Variants in CYP7B1 observed in about 807,000 individuals in gnomAD.
CYP7B1 encodes cytochrome P450 family 7 subfamily B member 1, also known as cytochrome P450 7B1.
CYP7B1 carries 29 observed loss-of-function variants against 42.7 expected under a neutral mutation model. The observed-to-expected ratio is 0.68, with a 90% confidence interval of 0.51 to 0.93. CYP7B1 has a LOEUF of 0.93. Among genes scored for constraint, CYP7B1 ranks in the 40% least tolerant of loss-of-function variants. CYP7B1 has a pLI of 0.00. For synonymous variants in CYP7B1, 235 were observed against 218.2 expected, an observed-to-expected ratio of 1.08 and a Z score of -0.68; for missense variants, 655 against 600.5, an observed-to-expected ratio of 1.09 and a Z score of -0.95.
At chr8:64,730,882 G>A (rs1807398734) in intron 1 of CYP7B1, among the ~76,000 whole-genome samples, 1 of 152,044 alleles carries the variant, frequency 6.6e-6, no homozygotes, top group African/African-American at 2.4e-5. Flanking sequence ...TGTGGGAGGT[G>A]ATTAGATCAT....
chr8:64,764,326 C>T (rs1438733463), intron 1 of CYP7B1, among the ~76,000 whole-genome samples: 4 of 137,998 alleles, frequency 2.9e-5, no homozygotes, highest in Non-Finnish European at 6.1e-5. Context: ...ACTTTAACAA[C>T]TGGAACTGGG....
intron 4 of CYP7B1, among the ~76,000 whole-genome samples, chr8:64,614,574 C>A (rs1453974492): frequency 6.6e-6 from 1 of 152,088 alleles, no homozygotes; most frequent in Non-Finnish European, 1.5e-5. Context: ...GAATCACACA[C>A]TCCATAAAAC....
intron 1 of CYP7B1, among the ~76,000 whole-genome samples, chr8:64,692,792 A>G (rs1444777985): frequency 6.6e-6 from 1 of 152,190 alleles, no homozygotes; most frequent in Non-Finnish European, 1.5e-5. Context: ...GGTACATTAT[A>G]GATGCTCTAT....
intron 1 of CYP7B1, among the ~76,000 whole-genome samples, chr8:64,722,618 T>C (rs1322711878): frequency 6.6e-6 from 1 of 152,006 alleles, no homozygotes; most frequent in Non-Finnish European, 1.5e-5. Context: ...TTCTGTGGGA[T>C]ATTTGCAATT....
chr8:64,682,702 G>C (rs1394603206), intron 1 of CYP7B1, among the ~76,000 whole-genome samples: 4 of 152,114 alleles, frequency 2.6e-5, no homozygotes, highest in Non-Finnish European at 5.9e-5. Flanking sequence ...ACGTGCTCTA[G>C]AGCGTGCTGT....
chr8:64,691,384 T>C (rs1806739077), intron 1 of CYP7B1, among the ~76,000 whole-genome samples: 1 of 145,638 alleles, frequency 6.9e-6, no homozygotes, highest in Non-Finnish European at 1.5e-5. Context: ...TGTCACAGAA[T>C]ACAGGTTGCC....
intron 2 of CYP7B1, among the ~76,000 whole-genome samples, chr8:64,620,531 CT>C (rs1237873815): frequency 2.0e-4 from 30 of 152,280 alleles, no homozygotes; most frequent in Middle Eastern, 3.4e-3. Context: ...AAAAGATGTA[CT>C]TTTTAATTTC....
At chr8:64,736,808 T>C (rs4737679) in intron 1 of CYP7B1, among the ~76,000 whole-genome samples, 150,889 of 152,276 alleles carry the variant, frequency 0.99, 74,771 homozygotes, top group East Asian at 1. Context: ...CTCTTTTAGT[T>C]ACTTTTCATT....
intron 1 of CYP7B1, among the ~76,000 whole-genome samples, chr8:64,713,293 T>C (rs1172300249): frequency 6.6e-6 from 1 of 151,702 alleles, no homozygotes; most frequent in Admixed American, 6.6e-5. Context: ...AAATCCATCA[T>C]CCCAAACCAT....
At chr8:64,700,923 TTTGTTG>T (rs35437465) in intron 1 of CYP7B1, among the ~76,000 whole-genome samples, 1 of 151,120 alleles carries the variant, frequency 6.6e-6, no homozygotes, top group East Asian at 2.0e-4. Context: ...TTAGTCACTT[TTTGTTG>T]TTGTTGTTGT....
At chr8:64,632,769 T>C (rs1419318452) in intron 1 of CYP7B1, among the ~76,000 whole-genome samples, 2 of 152,090 alleles carry the variant, frequency 1.3e-5, no homozygotes, top group African/African-American at 4.8e-5. Context: ...TGCTTTCCCA[T>C]TAAGATCAGA....
intron 1 of CYP7B1, among the ~76,000 whole-genome samples, chr8:64,646,037 C>CA (rs1483589266): frequency 3.3e-5 from 5 of 152,054 alleles, no homozygotes; most frequent in African/African-American, 1.2e-4. Flanking sequence ...ACACCTTATA[C>CA]AAAAATTAAT....
At position 64,643,090 on chromosome 8, in the gene CYP7B1, T is replaced by TATATATACACATATATATAC. The variant is rs1431661331; in HGVS notation, c.123-18571_123-18552dup. ...AATAGGATGTGTGTGTGTGTGTGTATATATATACACATATATATACATATA... is the reference window on the plus strand; with the variant it reads ...AATAGGATGTGTGTGTGTGTGTGTATATATATACACATATATATACATATATACACATATATATACATATA... On this transcript the variant is annotated intron_variant, in intron 1 of 5. Transcript: ENST00000310193. Among the ~76,000 whole-genome samples, 185 of 143,456 alleles carry TATATATACACATATATATAC rather than the reference T, an allele frequency of 1.3e-3. 3 individuals carry two copies. The highest frequency in any genetic ancestry group is 4.8e-3 in the African/African-American group (177 of 36,844). 94.1% of individuals were successfully genotyped at this position (143,456 alleles called of 152,430 possible).
chr8:64,706,525 A>C (rs148666857), intron 1 of CYP7B1, among the ~76,000 whole-genome samples: 516 of 152,102 alleles, frequency 3.4e-3, no homozygotes, highest in South Asian at 0.011. Flanking sequence ...AGTTCTCTAC[A>C]TTTCTCTGAT....
At chr8:64,769,929 A>C (rs1804192656) in intron 1 of CYP7B1, among the ~76,000 whole-genome samples, 1 of 152,204 alleles carries the variant, frequency 6.6e-6, no homozygotes, top group Admixed American at 6.5e-5. Flanking sequence ...TACGGGGACA[A>C]CGGTAGGACA....
intron 1 of CYP7B1, among the ~76,000 whole-genome samples, chr8:64,689,573 G>GT (rs796437204): frequency 2.2e-3 from 328 of 146,194 alleles, no homozygotes; most frequent in Admixed American, 4.0e-3. Flanking sequence ...TTTGATTCCA[G>GT]TTTTTTTTTT....
At chr8:64,702,361 C>T (rs185534662) in intron 1 of CYP7B1, among the ~76,000 whole-genome samples, 2 of 152,150 alleles carry the variant, frequency 1.3e-5, no homozygotes, top group Admixed American at 6.5e-5. Context: ...AGGCTGGCAG[C>T]GTATCACAAC....
intron 1 of CYP7B1, among the ~76,000 whole-genome samples, chr8:64,702,841 G>A (rs139109118): frequency 1.2e-3 from 176 of 152,108 alleles, no homozygotes; most frequent in African/African-American, 3.5e-3. Flanking sequence ...TCAGGACCCA[G>A]GTTTATGTGG....
intron 1 of CYP7B1, among the ~76,000 whole-genome samples, chr8:64,632,880 T>C (rs1300865432): frequency 6.7e-6 from 1 of 149,438 alleles, no homozygotes; most frequent in Non-Finnish European, 1.5e-5. Flanking sequence ...AATATACAAA[T>C]GGAGAAGAAA....
Sources: allele counts gnomAD v4.1 joint callset (sites outside exome capture counted in the v4.1 genomes callset), GRCh38; gene constraint gnomAD v4.1.1; transcripts MANE v1.5; gene names NCBI Gene and HGNC (gene_info 2026-07-23, HGNC 2026-07-21).